ERICH1: variants seen among roughly 807,000 people sequenced by gnomAD.
ERICH1 encodes the protein glutamate rich 1.
ERICH1 carries 56 observed loss-of-function variants against 39.6 expected under a neutral mutation model. The ratio of observed to expected loss-of-function variants is 1.41; its 90% CI spans 1.14 to 1.77. The LOEUF is 1.77. Among genes scored for constraint, ERICH1 ranks in the 40% most tolerant of loss-of-function variants. The pLI is 0.00. For synonymous variants in ERICH1, 313 were observed against 223.6 expected, an observed-to-expected ratio of 1.40 and a Z score of -3.57; for missense variants, 826 against 575.4, an observed-to-expected ratio of 1.44 and a Z score of -4.45.
Position 731,173 on chromosome 8 carries a change from C to T in ERICH1, c.-12G>A, listed in dbSNP as rs1042788648. On this transcript the variant is annotated 5_prime_UTR_variant, in exon 1 of 6. Coordinates refer to ENST00000262109, the MANE Select transcript of ERICH1 (RefSeq NM_207332.3). ...CTGTGCGCCGCCATGCGGGACCCTGCCGCGGACCTCAGACCACGGCGCGCG... is the reference window on the plus strand; with the variant it reads ...CTGTGCGCCGCCATGCGGGACCCTGTCGCGGACCTCAGACCACGGCGCGCG... The T allele has an allele frequency of 2.7e-6, 4 of 1,504,226 alleles. No individual in the cohort carries two copies. Among genetic ancestry groups the T allele is most frequent in the East Asian group, 5.5e-5 (2 of 36,372 alleles). The allele number at this position is 1,504,226 out of a possible 1,614,324, so 93.2% of individuals were successfully genotyped here. A position where few individuals can be genotyped will look rare whatever the true frequency, so the allele number is the denominator to read the frequency against.
intron 3 of ERICH1, among the ~76,000 whole-genome samples, chr8:674,478 A>T (rs566983384): frequency 6.6e-6 from 1 of 151,374 alleles, no homozygotes; most frequent in East Asian, 1.9e-4. Context: ...AATTTTTTTT[A>T]TTTTCAGTAG....
intron 1 of ERICH1, among the ~76,000 whole-genome samples, chr8:725,613 C>T (rs1818418890): frequency 6.6e-6 from 1 of 152,214 alleles, no homozygotes; most frequent in South Asian, 2.1e-4. Flanking sequence ...GAGACTGCAG[C>T]TGCCCCCATG....
chr8:720,806 G>A (rs1817145068), intron 1 of ERICH1, among the ~76,000 whole-genome samples: 1 of 152,190 alleles, frequency 6.6e-6, no homozygotes, highest in Non-Finnish European at 1.5e-5. Flanking sequence ...ACCTAGTGAA[G>A]GAAAACGTCT....
At chr8:626,957 G>A (rs1797623293) in intron 3 of ERICH1, 2 of 372,078 alleles carry the variant, frequency 5.4e-6, no homozygotes, top group Admixed American at 5.7e-5. Context: ...ACCCCAACCC[G>A]AGCTGTGCCG....
intron 2 of ERICH1, among the ~76,000 whole-genome samples, chr8:694,882 G>A (rs957069638): frequency 2.6e-5 from 4 of 152,214 alleles, no homozygotes; most frequent in East Asian, 1.9e-4. Flanking sequence ...CTCCTCCGCC[G>A]GACGCACAGA....
At chr8:620,455 AC>A (rs1797214724) in intron 3 of ERICH1, among the ~76,000 whole-genome samples, 1 of 152,234 alleles carries the variant, frequency 6.6e-6, no homozygotes, top group Non-Finnish European at 1.5e-5. Context: ...ATAAAGGGAA[AC>A]CAGAAACCTG....
At chr8:655,455 G>A (rs149584164) in intron 3 of ERICH1, among the ~76,000 whole-genome samples, 177 of 152,260 alleles carry the variant, frequency 1.2e-3, no homozygotes, top group African/African-American at 4.1e-3. Context: ...TCTTACCTAC[G>A]TGTGCGTTTC....
intron 1 of ERICH1, among the ~76,000 whole-genome samples, chr8:729,631 T>C (rs553449804): frequency 2.0e-5 from 3 of 152,350 alleles, no homozygotes; most frequent in African/African-American, 7.2e-5. Flanking sequence ...ACCTACATTT[T>C]ATAAACTTTT....
At chr8:714,701 A>ACG in intron 2 of ERICH1, among the ~76,000 whole-genome samples, 1 of 35,740 alleles carries the variant, frequency 2.8e-5, no homozygotes, top group African/African-American at 1.1e-4. Flanking sequence ...CTCTTCCGGC[A>ACG]TCTCTCGGTG....
chr8:638,415 G>A (rs76213418), intron 3 of ERICH1, among the ~76,000 whole-genome samples: 1 of 152,146 alleles, frequency 6.6e-6, no homozygotes, highest in Non-Finnish European at 1.5e-5. Context: ...GTTACAGTGC[G>A]GTGGGCAGGT....
intron 1 of ERICH1, among the ~76,000 whole-genome samples, chr8:718,485 T>A (rs1033119321): frequency 1.7e-4 from 26 of 152,220 alleles, no homozygotes; most frequent in African/African-American, 6.0e-4. Context: ...AAATTTCATG[T>A]TTCAAATGAA....
intron 3 of ERICH1, among the ~76,000 whole-genome samples, chr8:637,238 G>A (rs180978492): frequency 1.3e-5 from 2 of 152,326 alleles, no homozygotes; most frequent in Admixed American, 6.5e-5. Context: ...GTGGGGTTCT[G>A]CAACCAACAG....
At chr8:705,896 C>T (rs1813170646) in intron 2 of ERICH1, among the ~76,000 whole-genome samples, 1 of 152,208 alleles carries the variant, frequency 6.6e-6, no homozygotes, top group African/African-American at 2.4e-5. Context: ...AAGATGGTAA[C>T]ACTGCACTTT....
chr8:699,240 G>C (rs1394625071), intron 2 of ERICH1, among the ~76,000 whole-genome samples: 1 of 152,116 alleles, frequency 6.6e-6, no homozygotes, highest in Non-Finnish European at 1.5e-5. Flanking sequence ...AGGAACGAAA[G>C]AAAAAGGTAT....
intron 4 of ERICH1, among the ~76,000 whole-genome samples, chr8:671,284 T>G (rs1803304891): frequency 7.4e-6 from 1 of 135,964 alleles, no homozygotes; most frequent in Non-Finnish European, 1.5e-5. Flanking sequence ...AGCGCGCTGG[T>G]CCCCAGGCTC....
intron 1 of ERICH1, among the ~76,000 whole-genome samples, chr8:717,229 C>T (rs563704345): frequency 4.6e-5 from 7 of 152,266 alleles, no homozygotes; most frequent in Admixed American, 1.3e-4. Flanking sequence ...CCTGAGACCC[C>T]GGGCTCTTCA....
rs749597075 is a variant in ERICH1, at chr8:668,637, C to T, written c.1219G>A (p.Ala407Thr). The change falls in exon 5 of 6, where the codon GCT becomes ACT. Residue 407 changes from alanine to threonine, a missense_variant. By Grantham distance (58) the Ala-to-Thr change is moderately conservative. Coordinates refer to ENST00000262109, the MANE Select transcript of ERICH1 (RefSeq NM_207332.3). ...CAATGTTCTGGGAACATTTCCAGAGCATGCTTCAATCTCTCAGTATCTTGC... is the reference window on the plus strand; with the variant it reads ...CAATGTTCTGGGAACATTTCCAGAGTATGCTTCAATCTCTCAGTATCTTGC... The part of the protein sequence containing the change: ...LLQDTERLKH[A>T]LEMFPEHCTM... 3 of 1,614,228 alleles carry T rather than the reference C, an allele frequency of 1.9e-6. No homozygotes were observed. The East Asian group carries it at 6.7e-5, about 36-fold the overall frequency.
At chr8:728,123 C>G (rs868076629) in intron 1 of ERICH1, among the ~76,000 whole-genome samples, 2 of 152,218 alleles carry the variant, frequency 1.3e-5, no homozygotes, top group Non-Finnish European at 2.9e-5. Flanking sequence ...AGCTTTGCCT[C>G]CTCCGGAAAT....
chr8:724,766 C>A (rs1489277444), intron 1 of ERICH1, among the ~76,000 whole-genome samples: 1 of 152,184 alleles, frequency 6.6e-6, no homozygotes, highest in African/African-American at 2.4e-5. Context: ...ACTTGCAACC[C>A]ATAAGGGATT....
Sources: allele counts gnomAD v4.1 joint callset (sites outside exome capture counted in the v4.1 genomes callset), GRCh38; gene constraint gnomAD v4.1.1; transcripts MANE v1.5; gene names NCBI Gene and HGNC (gene_info 2026-07-23, HGNC 2026-07-21).